ZSCAN5A: variants seen among roughly 807,000 people sequenced by gnomAD.
ZSCAN5A encodes zinc finger and SCAN domain-containing protein 5A.
A neutral mutation model predicts 23.7 loss-of-function variants in ZSCAN5A; 12 were observed. The ratio of observed to expected loss-of-function variants is 0.51; its 90% CI spans 0.32 to 0.82. The LOEUF is 0.82. ZSCAN5A is among the 40% of genes least tolerant of loss of function. The pLI is 0.03. For missense variants in ZSCAN5A, 597 were observed against 617.9 expected, an observed-to-expected ratio of 0.97 and a Z score of 0.36; for synonymous variants, 257 against 239.9, an observed-to-expected ratio of 1.07 and a Z score of -0.66.
At chr19:56,301,540 C>G (rs756328317) in intron 2 of ZSCAN5A, among the ~76,000 whole-genome samples, 1 of 152,122 alleles carries the variant, frequency 6.6e-6, no homozygotes, top group African/African-American at 2.4e-5. Flanking sequence ...TCAGCAGGGT[C>G]TTTGCGACTT....
chr19:56,326,023 C>T (rs1341664339), intron 2 of ZSCAN5A, among the ~76,000 whole-genome samples: 2 of 151,822 alleles, frequency 1.3e-5, no homozygotes, highest in Non-Finnish European at 2.9e-5. Context: ...AGCTCCACCT[C>T]CCGGGTTCAC....
chr19:56,257,759 TAGACAC>T (rs1230989159), intron 2 of ZSCAN5A, among the ~76,000 whole-genome samples: 1 of 136,690 alleles, frequency 7.3e-6, no homozygotes, highest in African/African-American at 2.8e-5. Flanking sequence ...CCCATCTTCT[TAGACAC>T]AGGCGCCAGG....
chr19:56,248,262 CTCTTT>C (rs553885427), intron 2 of ZSCAN5A, among the ~76,000 whole-genome samples: 11 of 151,594 alleles, frequency 7.3e-5, no homozygotes, highest in Admixed American at 2.0e-4. Context: ...TCTTTTTCTT[CTCTTT>C]TCTTTTCTTT....
intron 2 of ZSCAN5A, among the ~76,000 whole-genome samples, chr19:56,360,803 T>C (rs2041729386): frequency 6.6e-6 from 1 of 152,094 alleles, no homozygotes; most frequent in South Asian, 2.1e-4. Context: ...ATGAAATCTC[T>C]AAAACCAATT....
At chr19:56,362,579 A>T (rs939302973) in intron 2 of ZSCAN5A, among the ~76,000 whole-genome samples, 2 of 151,716 alleles carry the variant, frequency 1.3e-5, no homozygotes, top group Non-Finnish European at 2.9e-5. Flanking sequence ...AAAATAAAAT[A>T]AAAAAGATGG....
intron 2 of ZSCAN5A, among the ~76,000 whole-genome samples, chr19:56,303,742 A>C (rs2040496688): frequency 6.6e-6 from 1 of 152,178 alleles, no homozygotes; most frequent in Non-Finnish European, 1.5e-5. Flanking sequence ...GCCAGCTCCA[A>C]AAAACATGAA....
At position 56,351,086 on chromosome 19, in the gene ZSCAN5A, A is replaced by AG. The variant is rs1199982267; in HGVS notation, c.-358+12148dup. On this transcript the variant is annotated intron_variant, in intron 2 of 6. Coordinates refer to the ZSCAN5A transcript ENST00000587340. The surrounding 1 kb of genome is among the most constrained non-coding windows in gnomAD (Gnocchi z 4.8). ...CAGCAGTTAGGTTTACTTCTCTTTG[A>AG]GGGGGGGATATTACAGGAGTTATTA... is the stretch of plus-strand genomic sequence containing the variant. Among the ~76,000 whole-genome samples the AG allele has an allele frequency of 2.6e-5, 4 of 151,824 alleles. No individual in the cohort carries two copies. The highest frequency in any genetic ancestry group is 4.8e-5 in the African/African-American group (2 of 41,322).
intron 2 of ZSCAN5A, chr19:56,246,972 A>G (rs2035958593): frequency 2.1e-6 from 3 of 1,447,132 alleles, no homozygotes; most frequent in South Asian, 1.1e-5. Context: ...CCCCAGGAAA[A>G]CCTGAGATAA....
At chr19:56,335,756 A>G (rs1405121022) in intron 2 of ZSCAN5A, among the ~76,000 whole-genome samples, 1 of 152,214 alleles carries the variant, frequency 6.6e-6, no homozygotes, top group Non-Finnish European at 1.5e-5. Flanking sequence ...TGCTTCCTTC[A>G]GGAGCTCTTT....
In ZSCAN5A at chr19:56,223,677, C is replaced by T. The variant is rs748724493; in HGVS notation, c.542G>A (p.Arg181Gln). The T allele has an allele frequency of 4.3e-6, 7 of 1,613,870 alleles. No homozygotes were observed. The highest frequency in any genetic ancestry group is 1.6e-4 in the Middle Eastern group (1 of 6,062). ...QMRPGEGQAH[R>Q]ELQILPRVPA... ...GACCCTGGGCAGGATCTGCAGCTCTCGGTGGGCCTGGCCTTCCCCTGGACG... is the reference window on the plus strand; with the variant it reads ...GACCCTGGGCAGGATCTGCAGCTCTTGGTGGGCCTGGCCTTCCCCTGGACG... Residue 181 changes from arginine to glutamine, a missense_variant, in exon 4 of 6, where the codon CGA becomes CAA. Arg to Gln is a conservative substitution (Grantham distance 43). This residue lies in a region of ZSCAN5A where 406 missense variants were observed against 353.2 expected (regional missense o/e 1.15). Transcript: ENST00000683990.
At chr19:56,229,553 A>T (rs1369618371) in intron 2 of ZSCAN5A, among the ~76,000 whole-genome samples, 1 of 152,220 alleles carries the variant, frequency 6.6e-6, no homozygotes, top group East Asian at 1.9e-4. Flanking sequence ...CACTGGAATT[A>T]ACTGGGAGCT....
intron 2 of ZSCAN5A, among the ~76,000 whole-genome samples, chr19:56,294,006 G>A (rs1023881497): frequency 6.6e-5 from 10 of 152,202 alleles, no homozygotes; most frequent in African/African-American, 2.2e-4. Context: ...TCTGCAGGAG[G>A]CCCCTCTGCC....
At chr19:56,261,881 G>A (rs772971893) in intron 2 of ZSCAN5A, among the ~76,000 whole-genome samples, 2 of 152,048 alleles carry the variant, frequency 1.3e-5, no homozygotes, top group Non-Finnish European at 2.9e-5. Context: ...AATTCTTAAG[G>A]TTACAGTTTA....
At chr19:56,330,613 G>A (rs887752200) in intron 2 of ZSCAN5A, among the ~76,000 whole-genome samples, 1 of 152,098 alleles carries the variant, frequency 6.6e-6, no homozygotes, top group Non-Finnish European at 1.5e-5. Context: ...ATTCATGTTT[G>A]TTGGCTGCTT....
chr19:56,323,183 C>T (rs1296122322), intron 2 of ZSCAN5A, among the ~76,000 whole-genome samples: 9 of 150,998 alleles, frequency 6.0e-5, no homozygotes, highest in African/African-American at 7.3e-5. Context: ...CGTGAGCCAC[C>T]GCGCCCGGCC....
At chr19:56,290,639 G>A (rs370290888) in intron 2 of ZSCAN5A, among the ~76,000 whole-genome samples, 3 of 152,130 alleles carry the variant, frequency 2.0e-5, no homozygotes, top group African/African-American at 7.2e-5. Context: ...TGGGAGGAAG[G>A]CTTGAGCCCA....
At chr19:56,227,248 T>C (rs2034040227) in intron 2 of ZSCAN5A, among the ~76,000 whole-genome samples, 1 of 152,236 alleles carries the variant, frequency 6.6e-6, no homozygotes, top group Non-Finnish European at 1.5e-5. Context: ...TTAACAATGT[T>C]TGTAATACTA....
intron 2 of ZSCAN5A, among the ~76,000 whole-genome samples, chr19:56,256,519 T>C (rs1036205648): frequency 1.1e-4 from 16 of 152,216 alleles, no homozygotes; most frequent in Non-Finnish European, 2.2e-4. Flanking sequence ...ATGTAGTGCA[T>C]GTCCTTACAT....
intron 2 of ZSCAN5A, among the ~76,000 whole-genome samples, chr19:56,289,074 G>T (rs1014421676): frequency 6.6e-6 from 1 of 152,156 alleles, no homozygotes; most frequent in South Asian, 2.1e-4. Flanking sequence ...TGCTGTGCTG[G>T]TAAATGTCTA....
Sources: gnomAD v4.1 joint callset for allele counts (sites outside exome capture counted in the v4.1 genomes callset) on GRCh38, gnomAD v4.1.1 for gene constraint, gnomAD v4.1.1 regional missense constraint, Gnocchi (gnomAD v3.1) non-coding constraint, MANE v1.5 for transcripts, NCBI Gene and HGNC (gene_info 2026-07-23, HGNC 2026-07-21) for gene names.